The following GGNBP2 variants were observed in gnomAD, a reference collection of about 807,000 sequenced individuals.
GGNBP2 encodes the protein gametogenetin-binding protein 2.
GGNBP2 carries 10 observed loss-of-function variants against 85.9 expected under a neutral mutation model. That is an observed-to-expected ratio of 0.12 (90% confidence interval 0.07 to 0.20). The LOEUF (loss-of-function observed/expected upper bound fraction) is 0.20, where lower values mean the gene tolerates loss of function less well. GGNBP2 is among the 10% of genes least tolerant of loss of function. GGNBP2 has a pLI of 1.00. For synonymous variants in GGNBP2, 287 were observed against 285.7 expected (o/e 1.00, Z -0.05); for missense variants, 595 against 857.8 (o/e 0.69, Z 3.83).
chr17:36,571,847 A>G (rs1050873661), intron 6 of GGNBP2, among the ~76,000 whole-genome samples: 5 of 152,098 alleles, frequency 3.3e-5, no homozygotes, highest in Non-Finnish European at 5.9e-5. Flanking sequence ...CATCTCAAAA[A>G]AAAGATAATA....
intron 2 of GGNBP2, among the ~76,000 whole-genome samples, chr17:36,551,714 C>T (rs897387735): frequency 4.6e-5 from 7 of 151,596 alleles, no homozygotes; most frequent in Admixed American, 3.3e-4. Flanking sequence ...CATGGTGGTA[C>T]GCCTGTAATC....
chr17:36,547,955 GA>G, intron 2 of GGNBP2, among the ~76,000 whole-genome samples: 1 of 152,340 alleles, frequency 6.6e-6, no homozygotes, highest in African/African-American at 2.4e-5. Flanking sequence ...CTGAAAGGGA[GA>G]ATGCAGAGCA....
rs894933863 is a variant in GGNBP2, at chr17:36,556,965, A to T, written c.175-118A>T. On this transcript the variant is annotated intron_variant, in intron 3 of 13. Coordinates refer to ENST00000613102, the MANE Select transcript of GGNBP2 (RefSeq NM_024835.5). The stretch of plus-strand genomic sequence containing the variant: ...GCCTTTCTGACTCAGTTGCAGGTAG[A>T]GCTGGTAAACCCTGGCCAGGTTGTA... 4 of 1,166,350 alleles carry T rather than the reference A, an allele frequency of 3.4e-6. No individual in the cohort carries two copies. In the African/African-American group the frequency reaches 6.0e-5, roughly 18 times the overall value. The allele number at this position is 1,166,350 out of a possible 1,614,324, so 72.3% of individuals were successfully genotyped here. A position where few individuals can be genotyped will look rare whatever the true frequency, so the allele number is the denominator to read the frequency against.
chr17:36,552,748 T>C (rs539064311), intron 2 of GGNBP2, among the ~76,000 whole-genome samples: 48 of 152,186 alleles, frequency 3.2e-4, no homozygotes, highest in African/African-American at 1.1e-3. Context: ...GGGTCAGGCG[T>C]GGTGACTCAC....
chr17:36,554,736 A>T (rs760246406), intron 2 of GGNBP2, 84 bp from the exon 3 acceptor site: 38 of 922,596 alleles, frequency 4.1e-5, no homozygotes, highest in Non-Finnish European at 6.7e-5. Context: ...TCTGGCTTTC[A>T]CGGGTCTATT....
intron 5 of GGNBP2, among the ~76,000 whole-genome samples, chr17:36,561,630 A>G (rs1375745290): frequency 1.3e-5 from 2 of 151,464 alleles, no homozygotes; most frequent in Non-Finnish European, 2.9e-5. Flanking sequence ...TTCTATATTT[A>G]TTATTATTTT....
Position 36,585,820 on chromosome 17 carries a change from C to T in GGNBP2, c.1367-20C>T. 1 of 1,607,836 alleles carries T rather than the reference C, an allele frequency of 6.2e-7. No homozygotes were observed. Among genetic ancestry groups the T allele is most frequent in the Admixed American group, 1.7e-5 (1 of 59,674 alleles). ...ACTTATTGGTATGTTAATAGTAACT[C>T]TCACTTGATTTATTCTCAGGCTTAT... On this transcript the variant is annotated intron_variant, in intron 10 of 13. Coordinates refer to ENST00000613102, the MANE Select transcript of GGNBP2 (RefSeq NM_024835.5).
intron 9 of GGNBP2, among the ~76,000 whole-genome samples, chr17:36,584,697 CT>C (rs1185750585): frequency 6.6e-6 from 1 of 152,160 alleles, no homozygotes; most frequent in East Asian, 1.9e-4. Context: ...GCCTGTAATC[CT>C]AGCACTTTGG....
Position 36,581,413 on chromosome 17 carries a change from C to T in GGNBP2, c.1090C>T (p.Arg364Ter). Residue 364 changes from arginine to a stop codon, truncating the protein, a stop_gained, in exon 9 of 14, where the codon CGA (arginine) becomes TGA (stop). Coordinates refer to ENST00000613102, the MANE Select transcript of GGNBP2 (RefSeq NM_024835.5). LOFTEE classifies it high-confidence loss of function. ...QLCEEFSEEERVRELKQEKKR... is the reference protein window; with the variant it reads ...QLCEEFSEEE ...TTGTGAGGAATTTTCAGAAGAGGAA[C>T]GAGTAAGAGAACTCAAGCAAGAAAA... 6.2e-7 allele frequency: 1 copy of T among 1,612,866 alleles called. No individual in the cohort carries two copies. The highest frequency in any genetic ancestry group is 1.7e-5 in the Admixed American group (1 of 59,928).
At chr17:36,563,245 G>A (rs191301736) in intron 5 of GGNBP2, among the ~76,000 whole-genome samples, 9 of 152,160 alleles carry the variant, frequency 5.9e-5, no homozygotes, top group Admixed American at 3.9e-4. Context: ...CAGCCTGGGC[G>A]ACAAGAGTGA....
chr17:36,564,537 T>A (rs1369416582), intron 5 of GGNBP2, among the ~76,000 whole-genome samples: 3 of 152,210 alleles, frequency 2.0e-5, no homozygotes, highest in African/African-American at 7.2e-5. Context: ...TTTAGAAGGC[T>A]GTTTGCTGAG....
At chr17:36,570,140 G>C (rs2074508737) in intron 6 of GGNBP2, among the ~76,000 whole-genome samples, 2 of 152,164 alleles carry the variant, frequency 1.3e-5, no homozygotes, top group South Asian at 4.1e-4. Flanking sequence ...CACTTTGGGA[G>C]GCCAAGTCAG....
chr17:36,570,597 G>A (rs1444062714), intron 6 of GGNBP2, among the ~76,000 whole-genome samples: 1 of 152,206 alleles, frequency 6.6e-6, no homozygotes, highest in Non-Finnish European at 1.5e-5. Context: ...CTACTCAGGA[G>A]GCTGAGGCAG....
rs1336431381 is a variant in GGNBP2, at chr17:36,567,745, G to C, written c.610G>C (p.Glu204Gln). 1 of 1,595,028 alleles carries C rather than the reference G, an allele frequency of 6.3e-7. No homozygotes were observed. Among genetic ancestry groups the C allele is most frequent in the African/African-American group, 1.3e-5 (1 of 74,470 alleles). Residue 204 changes from glutamate to glutamine, a missense_variant, in exon 6 of 14, where the codon GAA (glutamate) becomes CAA (glutamine). Glu to Gln is a conservative substitution (Grantham distance 29, BLOSUM62 2). This residue lies in a region of GGNBP2 where 216 missense variants were observed against 293.4 expected (regional missense o/e 0.74). Transcript: ENST00000613102. ...TTTAATTGACTCGAGTTGTCTTTTA[G>C]AAACACTAGAAACATATCTGCGAAA... Reference protein sequence around the residue: ...VVLIDSSCLLETLETYLRKHR... With the variant: ...VVLIDSSCLLQTLETYLRKHR...
intron 2 of GGNBP2, among the ~76,000 whole-genome samples, chr17:36,553,810 T>C (rs1410528522): frequency 1.3e-5 from 2 of 152,200 alleles, no homozygotes; most frequent in Non-Finnish European, 1.5e-5. Context: ...TGACATCTTA[T>C]AGTAAAAATG....
chr17:36,564,975 A>G (rs1191566147), intron 5 of GGNBP2, among the ~76,000 whole-genome samples: 1 of 152,210 alleles, frequency 6.6e-6, no homozygotes, highest in Non-Finnish European at 1.5e-5. Flanking sequence ...CCTGTAGTTT[A>G]TCTTAGAGAA....
Position 36,554,885 on chromosome 17 carries a change from A to G in GGNBP2, c.159A>G (p.Leu53=), listed in dbSNP as rs1194003819. Residue 53 remains leucine, a synonymous_variant, in exon 3 of 14, where the codon CTA becomes CTG. Transcript: ENST00000613102. ...LDGHQNNGAQ[L]KQFIQRHGML... ...GACATCAGAATAATGGTGCACAGCT[A>G]AAGCAGTTCATTCAGGTAATAGTTT... The G allele has an allele frequency of 2.5e-6, 4 of 1,598,202 alleles. No individual in the cohort carries two copies. The highest frequency in any genetic ancestry group is 3.4e-6 in the Non-Finnish European group (4 of 1,165,412).
intron 6 of GGNBP2, among the ~76,000 whole-genome samples, chr17:36,575,648 A>ATATGTATT (rs374366757): frequency 3.6e-5 from 2 of 54,910 alleles, no homozygotes; most frequent in Non-Finnish European, 5.7e-5. Context: ...ATATATATAT[A>ATATGTATT]TTTTTTTTTT....
chr17:36,574,761 G>A (rs2074559579), intron 6 of GGNBP2: 12 of 629,300 alleles, frequency 1.9e-5, no homozygotes, highest in Non-Finnish European at 2.8e-5. Flanking sequence ...GGGATGAGGC[G>A]CACCAGCACA....
Sources: allele counts gnomAD v4.1 joint callset (sites outside exome capture counted in the v4.1 genomes callset), GRCh38; gene constraint gnomAD v4.1.1; regional missense constraint gnomAD v4.1.1; transcripts MANE v1.5; gene names NCBI Gene and HGNC (gene_info 2026-07-23, HGNC 2026-07-21).